CACNB2: variants seen among roughly 807,000 people sequenced by gnomAD.
CACNB2 encodes voltage-dependent L-type calcium channel subunit beta-2.
A neutral mutation model predicts 73.3 loss-of-function variants in CACNB2; 42 were observed. The ratio of observed to expected loss-of-function variants is 0.57; its 90% confidence interval spans 0.45 to 0.74. The LOEUF (loss-of-function observed/expected upper bound fraction) is 0.74. CACNB2 is among the 30% of genes least tolerant of loss of function. CACNB2 has a pLI of 0.00. For synonymous variants in CACNB2, 348 were observed against 310.3 expected (o/e 1.12, Z -1.28); for missense variants, 940 against 853.0 (o/e 1.10, Z -1.27).
chr10:18,260,988 ACTT>A (rs1367207011), intron 2 of CACNB2: 3 of 1,359,014 alleles, frequency 2.2e-6, no homozygotes, highest in Admixed American at 3.0e-5. Context: ...AATTAATGCT[ACTT>A]CTTGTAGATT....
intron 2 of CACNB2, among the ~76,000 whole-genome samples, chr10:18,230,972 T>A (rs945494919): frequency 4.6e-5 from 7 of 152,070 alleles, no homozygotes; most frequent in Non-Finnish European, 8.8e-5. Flanking sequence ...TTTTGCAGCT[T>A]GTGTCAGTTA....
At chr10:18,281,554 C>G (rs1415188735) in intron 2 of CACNB2, among the ~76,000 whole-genome samples, 2 of 152,152 alleles carry the variant, frequency 1.3e-5, no homozygotes, top group African/African-American at 4.8e-5. Flanking sequence ...TTGGGAGCTT[C>G]CCTTCCGTTC....
intron 2 of CACNB2, among the ~76,000 whole-genome samples, chr10:18,200,256 T>C (rs1322766116): frequency 6.6e-6 from 1 of 150,694 alleles, no homozygotes; most frequent in African/African-American, 2.5e-5. Context: ...TTACATTAAT[T>C]ATACTCAAAA....
rs772195020 is a variant in CACNB2, at chr10:18,500,855, G to C, written c.500G>C (p.Gly167Ala). The change falls in exon 5 of 14, where the codon GGC becomes GCC. Residue 167 changes from glycine to alanine, a missense_variant. Coordinates refer to ENST00000324631, the MANE Select transcript of CACNB2 (RefSeq NM_201596.3). ...TGGATAGGGCGATTGGTAAAAGAAG[G>C]CTGTGAAATCGGATTCATTCCAAGC... ...DWWIGRLVKE[G>A]CEIGFIPSPV... 1.9e-6 allele frequency: 3 copies of C among 1,613,954 alleles called. No homozygotes were observed. In the South Asian group the frequency reaches 3.3e-5, roughly 18 times the overall value.
Position 18,534,148 on chromosome 10 carries a change from A to T in CACNB2, c.1127A>T (p.Asp376Val). 1 of 1,613,922 alleles carries T rather than the reference A, an allele frequency of 6.2e-7. No individual in the cohort carries two copies. Among genetic ancestry groups the T allele is most frequent in the Non-Finnish European group, 8.5e-7 (1 of 1,179,786 alleles). The change falls in exon 11 of 14, where the codon GAT becomes GTT. Residue 376 changes from aspartate to valine, a missense_variant. Asp to Val is a radical substitution (Grantham distance 152). Coordinates refer to ENST00000324631, the MANE Select transcript of CACNB2 (RefSeq NM_201596.3). Reference sequence around the variant, plus strand: ...TTGCAGTTGGTGGTCCTTGACGCGGATACAATTAATCATCCAGCTCAACTC... The same window carrying T: ...TTGCAGTTGGTGGTCCTTGACGCGGTTACAATTAATCATCCAGCTCAACTC... ...RTLQLVVLDA[D>V]TINHPAQLSK...
chr10:18,219,818 C>G (rs1410691050), intron 2 of CACNB2, among the ~76,000 whole-genome samples: 1 of 149,598 alleles, frequency 6.7e-6, no homozygotes, highest in Non-Finnish European at 1.5e-5. Context: ...CACCCAGGCT[C>G]AAGTGCTGAG....
intron 2 of CACNB2, among the ~76,000 whole-genome samples, chr10:18,364,190 G>A (rs1269117797): frequency 6.6e-6 from 1 of 151,866 alleles, no homozygotes; most frequent in Non-Finnish European, 1.5e-5. Context: ...AGGTGATCAG[G>A]TGATCCACCC....
intron 2 of CACNB2, among the ~76,000 whole-genome samples, chr10:18,220,228 TATATAGAGAGAGAGAGAGAGAG>T (rs2035716441): frequency 2.4e-5 from 1 of 40,942 alleles, no homozygotes; most frequent in African/African-American, 2.1e-4. Flanking sequence ...TATATATATA[TATATAGAGAGAGAGAGAGAGAG>T]AGAGAGAGAG....
chr10:18,361,334 T>TAA (rs113930288), intron 2 of CACNB2, among the ~76,000 whole-genome samples: 3 of 136,432 alleles, frequency 2.2e-5, no homozygotes, highest in South Asian at 4.8e-4. Flanking sequence ...TACAAAAAAT[T>TAA]AAAAAAAAAA....
chr10:18,271,205 A>G (rs2038040617), intron 2 of CACNB2, among the ~76,000 whole-genome samples: 1 of 152,236 alleles, frequency 6.6e-6, no homozygotes, highest in South Asian at 2.1e-4. Context: ...TTTGGTTGCT[A>G]CAGTTTGCAA....
At chr10:18,425,763 T>C (rs900771044) in intron 3 of CACNB2, among the ~76,000 whole-genome samples, 2 of 152,240 alleles carry the variant, frequency 1.3e-5, no homozygotes, top group African/African-American at 2.4e-5. Context: ...TTTTAAAATT[T>C]CATCTTTCAT....
At chr10:18,422,508 G>C (rs2045378197) in intron 3 of CACNB2, among the ~76,000 whole-genome samples, 1 of 152,088 alleles carries the variant, frequency 6.6e-6, no homozygotes. Context: ...ACATCTCCTG[G>C]TCTAGCATGC....
intron 3 of CACNB2, among the ~76,000 whole-genome samples, chr10:18,422,845 T>C (rs531403613): frequency 6.6e-6 from 1 of 152,274 alleles, no homozygotes; most frequent in Admixed American, 6.5e-5. Context: ...ATTATAGGCA[T>C]GCGACACCAC....
intron 3 of CACNB2, among the ~76,000 whole-genome samples, chr10:18,492,349 G>A (rs1015043014): frequency 6.6e-6 from 1 of 152,132 alleles, no homozygotes; most frequent in African/African-American, 2.4e-5. Flanking sequence ...GGCCGGGCGT[G>A]GTGGCTCACA....
At chr10:18,528,984 C>T (rs2052737182) in intron 10 of CACNB2, among the ~76,000 whole-genome samples, 1 of 151,978 alleles carries the variant, frequency 6.6e-6, no homozygotes, top group African/African-American at 2.4e-5. Context: ...GGACTACAGG[C>T]ACATGCCACT....
intron 2 of CACNB2, among the ~76,000 whole-genome samples, chr10:18,228,506 G>T (rs2036103894): frequency 6.9e-6 from 1 of 144,046 alleles, no homozygotes; most frequent in Non-Finnish European, 1.5e-5. Context: ...AAGATGGAAA[G>T]CATCTTATTA....
Position 18,464,806 on chromosome 10 carries a change from G to A in CACNB2, c.334-33549G>A, listed in dbSNP as rs183098921. On this transcript the variant is annotated intron_variant, in intron 3 of 13. Transcript: ENST00000324631. ...GCATTTACGCAGGGGCGGTAGGAAT[G>A]GGAGAGGAGGGGAGGCATTTTAAAA... Among the ~76,000 whole-genome samples, 32 of 152,374 alleles carry A rather than the reference G, an allele frequency of 2.1e-4. 2 individuals carry two copies. In the South Asian group the frequency reaches 5.8e-3, roughly 28 times the overall value.
intron 3 of CACNB2, among the ~76,000 whole-genome samples, chr10:18,497,566 C>A (rs1403255246): frequency 6.6e-6 from 1 of 151,994 alleles, no homozygotes; most frequent in Non-Finnish European, 1.5e-5. Context: ...AGTATAGGTG[C>A]CTGCCACCAC....
Position 18,260,781 on chromosome 10 carries a change from A to G in CACNB2, c.213+109806A>G, listed in dbSNP as rs1446278696. 7 of 1,010,454 alleles carry G rather than the reference A, an allele frequency of 6.9e-6. No individual in the cohort carries two copies. The South Asian group carries it at 2.9e-4, about 42-fold the overall frequency. 62.6% of individuals were successfully genotyped at this position (1,010,454 alleles called of 1,614,324 possible). A position where few individuals can be genotyped will look rare whatever the true frequency, so the allele number is the denominator to read the frequency against. On this transcript the variant is annotated intron_variant, in intron 2 of 13. Coordinates refer to ENST00000324631, the MANE Select transcript of CACNB2 (RefSeq NM_201596.3). ...GCGGGAGCAGGAACAGCAGCGTGCTAAGAAGCAGTCACATAAACAGCAGCA... is the reference window on the plus strand; with the variant it reads ...GCGGGAGCAGGAACAGCAGCGTGCTGAGAAGCAGTCACATAAACAGCAGCA...
Sources: gnomAD v4.1 joint callset for allele counts (sites outside exome capture counted in the v4.1 genomes callset) on GRCh38, gnomAD v4.1.1 for gene constraint, MANE v1.5 for transcripts, NCBI Gene and HGNC (gene_info 2026-07-23, HGNC 2026-07-21) for gene names.